The following SCAMP1 variants were observed in gnomAD, a reference collection of about 807,000 sequenced individuals.
The protein encoded by SCAMP1 is secretory carrier-associated membrane protein 1.
A neutral mutation model predicts 41.8 loss-of-function variants in SCAMP1; 15 were observed. The ratio of observed to expected loss-of-function variants is 0.36; its 90% CI spans 0.24 to 0.55. The LOEUF (loss-of-function observed/expected upper bound fraction) is 0.55. Among genes scored for constraint, SCAMP1 ranks in the 20% least tolerant of loss-of-function variants. The pLI is 0.86. For synonymous variants in SCAMP1, 135 were observed against 136.8 expected, an observed-to-expected ratio of 0.99 and a Z score of 0.09; for missense variants, 341 against 412.6, an observed-to-expected ratio of 0.83 and a Z score of 1.50.
At chr5:78,380,832 G>A (rs1469115458) in intron 1 of SCAMP1, among the ~76,000 whole-genome samples, 1 of 152,190 alleles carries the variant, frequency 6.6e-6, no homozygotes, top group Non-Finnish European at 1.5e-5. Context: ...TTGGGAGGCC[G>A]AGGCAGGTGG....
At chr5:78,451,576 T>G (rs1259927625) in intron 7 of SCAMP1, among the ~76,000 whole-genome samples, 3 of 152,218 alleles carry the variant, frequency 2.0e-5, no homozygotes, top group African/African-American at 7.2e-5. Flanking sequence ...CTACAACCTT[T>G]GGCTTTTTTC....
At chr5:78,472,196 C>T (rs4269275) in intron 8 of SCAMP1, among the ~76,000 whole-genome samples, 42,735 of 151,906 alleles carry the variant, frequency 0.28, 6,323 homozygotes, top group East Asian at 0.54. Flanking sequence ...CAACCATCAA[C>T]TGGTGCATTT....
At chr5:78,364,689 A>G (rs1369594356) in intron 1 of SCAMP1, among the ~76,000 whole-genome samples, 1 of 152,130 alleles carries the variant, frequency 6.6e-6, no homozygotes, top group East Asian at 1.9e-4. Flanking sequence ...TAGGATTAAA[A>G]AATTTTGGCT....
intron 6 of SCAMP1, among the ~76,000 whole-genome samples, chr5:78,438,609 T>A (rs1752828483): frequency 6.6e-6 from 1 of 152,208 alleles, no homozygotes; most frequent in Non-Finnish European, 1.5e-5. Context: ...TCTTTTACAT[T>A]TGCTGAGGAG....
intron 2 of SCAMP1, among the ~76,000 whole-genome samples, chr5:78,391,285 A>AC (rs1188177542): frequency 4.7e-5 from 7 of 147,432 alleles, no homozygotes; most frequent in Admixed American, 6.7e-5. Flanking sequence ...CGGGGGGCTG[A>AC]CCCCCCCACC....
intron 8 of SCAMP1, among the ~76,000 whole-genome samples, chr5:78,459,667 T>TTG (rs1753534863): frequency 1.3e-5 from 2 of 152,240 alleles, no homozygotes. Flanking sequence ...TTTCTTTTTT[T>TTG]TGATATGAAG....
intron 6 of SCAMP1, among the ~76,000 whole-genome samples, chr5:78,430,504 AT>A (rs201357716): frequency 6.6e-5 from 10 of 150,872 alleles, no homozygotes; most frequent in East Asian, 5.8e-4. Context: ...AGAAAAAGAG[AT>A]TTTTTTTTCC....
chr5:78,416,736 G>A (rs1752219518), intron 4 of SCAMP1, 87 bp downstream of exon 4: 7 of 943,874 alleles, frequency 7.4e-6, no homozygotes, highest in Non-Finnish European at 9.5e-6. Flanking sequence ...TTGGCCTGTG[G>A]ATAAAACCCT....
intron 6 of SCAMP1, among the ~76,000 whole-genome samples, chr5:78,443,518 G>A (rs990329894): frequency 6.6e-6 from 1 of 152,058 alleles, no homozygotes; most frequent in Non-Finnish European, 1.5e-5. Flanking sequence ...TATTGTTCAG[G>A]TTTAAAACTT....
At chr5:78,466,699 G>A (rs1370875014) in intron 8 of SCAMP1, among the ~76,000 whole-genome samples, 1 of 152,186 alleles carries the variant, frequency 6.6e-6, no homozygotes, top group African/African-American at 2.4e-5. Context: ...CCAAAAAGTG[G>A]TAGTGAGCCA....
rs116671248 is a variant in SCAMP1, at chr5:78,440,596, G to A, written c.633-9337G>A. On this transcript the variant is annotated intron_variant, in intron 6 of 8. Transcript: ENST00000621999. ...CTTCGTCTCAGAGGTGCACCTGGCCGTATGAGGTGTCTGTTGGCCCCTACT... is the reference window on the plus strand; with the variant it reads ...CTTCGTCTCAGAGGTGCACCTGGCCATATGAGGTGTCTGTTGGCCCCTACT... Among the ~76,000 whole-genome samples the A allele has an allele frequency of 9.5e-3, 1,453 of 152,234 alleles. 31 individuals are homozygous for A. The highest frequency in any genetic ancestry group is 0.033 in the African/African-American group (1,382 of 41,540).
chr5:78,381,609 T>C (rs1751207114), intron 1 of SCAMP1, among the ~76,000 whole-genome samples: 1 of 152,268 alleles, frequency 6.6e-6, no homozygotes, highest in Non-Finnish European at 1.5e-5. Context: ...GCTTACACTT[T>C]TGGGTAAATT....
At chr5:78,447,513 C>CT (rs1474036469) in intron 6 of SCAMP1, among the ~76,000 whole-genome samples, 1 of 152,042 alleles carries the variant, frequency 6.6e-6, no homozygotes, top group African/African-American at 2.4e-5. Context: ...AAAGGACAGT[C>CT]TTTTTAAGAA....
At chr5:78,370,434 A>T (rs1003681984) in intron 1 of SCAMP1, among the ~76,000 whole-genome samples, 1 of 152,152 alleles carries the variant, frequency 6.6e-6, no homozygotes, top group African/African-American at 2.4e-5. Flanking sequence ...TTGACTTCAT[A>T]TGTGTAGACT....
rs567714764 is a variant in SCAMP1, at chr5:78,403,636, T to TACAAA, written c.136-11863_136-11859dup. On this transcript the variant is annotated intron_variant, in intron 2 of 8. Transcript: ENST00000621999. The stretch of plus-strand genomic sequence containing the variant: ...TGAGATCACATTGAGATCCTGTCTC[T>TACAAA]ACAAAACAAAACAAAACAAAACAAA... 1.2e-3 allele frequency among the ~76,000 whole-genome samples: 187 copies of TACAAA among 152,102 alleles called. 2 individuals are homozygous for TACAAA. The East Asian group carries it at 0.024, about 20-fold the overall frequency.
intron 7 of SCAMP1, among the ~76,000 whole-genome samples, chr5:78,454,349 T>C (rs1321146153): frequency 6.6e-6 from 1 of 152,194 alleles, no homozygotes. Flanking sequence ...TATTTTGAAA[T>C]ACGTCCCATC....
In SCAMP1 at chr5:78,416,669, G is replaced by T; in HGVS notation, c.343+20G>T. 6.5e-7 allele frequency: 1 copy of T among 1,528,172 alleles called. No individual in the cohort carries two copies. The highest frequency in any genetic ancestry group is 1.2e-5 in the South Asian group (1 of 82,252). 94.7% of individuals were successfully genotyped at this position (1,528,172 alleles called of 1,614,324 possible). Reference sequence around the variant, plus strand: ...AACATGGTAGTATCCAAAGAAATTTGAAATAAAAATAACTTTTAAATACTT... The same window carrying T: ...AACATGGTAGTATCCAAAGAAATTTTAAATAAAAATAACTTTTAAATACTT... On this transcript the variant is annotated intron_variant, in intron 4 of 8. Coordinates refer to ENST00000621999, the MANE Select transcript of SCAMP1 (RefSeq NM_004866.6).
intron 8 of SCAMP1, among the ~76,000 whole-genome samples, chr5:78,464,699 A>G (rs1181611264): frequency 6.6e-6 from 1 of 152,218 alleles, no homozygotes; most frequent in African/African-American, 2.4e-5. Context: ...CTAAGGTTGT[A>G]AAAACACACT....
chr5:78,446,462 G>A (rs1753054221), intron 6 of SCAMP1, among the ~76,000 whole-genome samples: 1 of 151,894 alleles, frequency 6.6e-6, no homozygotes, highest in Non-Finnish European at 1.5e-5. Context: ...TATTTTAATA[G>A]TCTGGTTTCT....
Sources: gnomAD v4.1 joint callset for allele counts (sites outside exome capture counted in the v4.1 genomes callset) on GRCh38, gnomAD v4.1.1 for gene constraint, MANE v1.5 for transcripts, NCBI Gene and HGNC (gene_info 2026-07-23, HGNC 2026-07-21) for gene names.